Variants in SUPT20H observed in about 807,000 individuals in gnomAD.
SUPT20H encodes SPT20 homolog, SAGA complex component.
In SUPT20H, 82 loss-of-function variants were observed where a neutral mutation model predicts 122.8. That is an observed-to-expected ratio of 0.67 (90% CI 0.56 to 0.80). SUPT20H has a LOEUF of 0.80. SUPT20H is among the 30% of genes least tolerant of loss of function. The pLI is 0.00. For synonymous variants in SUPT20H, 291 were observed against 313.0 expected (o/e 0.93, Z 0.74); for missense variants, 831 against 921.6 (o/e 0.90, Z 1.27).
chr13:37,036,176 G>A (rs1441866085), intron 9 of SUPT20H, among the ~76,000 whole-genome samples: 3 of 152,104 alleles, frequency 2.0e-5, no homozygotes, highest in African/African-American at 4.8e-5. Context: ...AGGTTCAGAT[G>A]ATCATTAGCA....
intron 21 of SUPT20H, 47 bp downstream of exon 21, chr13:37,021,401 C>A: frequency 6.6e-7 from 1 of 1,522,108 alleles, no homozygotes; most frequent in Non-Finnish European, 8.9e-7. Flanking sequence ...TTTACTTTAG[C>A]ATATACTTTA....
At chr13:37,045,223 C>G (rs775778315) in intron 6 of SUPT20H, 24 bp downstream of exon 6, 1 of 1,607,734 alleles carries the variant, frequency 6.2e-7, no homozygotes, top group Admixed American at 1.7e-5. Flanking sequence ...TATTTTGTGG[C>G]AGCTGTGCTC....
chr13:37,025,988 AG>A, intron 16 of SUPT20H: 1 of 390,784 alleles, frequency 2.6e-6, no homozygotes, highest in Non-Finnish European at 4.6e-6. Flanking sequence ...ATATTTTTCT[AG>A]AATCAGTAAG....
Position 37,022,128 on chromosome 13 carries a change from G to A in SUPT20H, c.1592-48C>T. 6.2e-7 allele frequency: 1 copy of A among 1,614,124 alleles called. No homozygotes were observed. The highest frequency in any genetic ancestry group is 8.5e-7 in the Non-Finnish European group (1 of 1,180,000). On this transcript the variant is annotated intron_variant, in intron 19 of 25. Coordinates refer to ENST00000350612, the MANE Select transcript of SUPT20H (RefSeq NM_001014286.3). The surrounding 1 kb of genome is among the most constrained non-coding windows in gnomAD (Gnocchi z 4.5). ...GGTGGAAAGAGGAATGGTTGTTACA[G>A]GCATTGCCTGGCTCAGAGACCTTTG... is the stretch of plus-strand genomic sequence containing the variant.
chr13:37,044,131 A>G lies in SUPT20H; in HGVS notation c.343T>C (p.Leu115=). ...PYEEGELLEY[L]DAEELPPILV... is the part of the protein sequence containing the mutation. ...ATAGGAGGTAATTCTTCTGCATCCA[A>G]ATATTCAAGCAACTCTCCTTCTTCA... Residue 115 remains leucine, a synonymous_variant, in exon 7 of 26, where the codon TTG becomes CTG. Coordinates refer to ENST00000350612, the MANE Select transcript of SUPT20H (RefSeq NM_001014286.3). The G allele has an allele frequency of 6.2e-7, 1 of 1,613,214 alleles. No individual in the cohort carries two copies. The highest frequency in any genetic ancestry group is 8.5e-7 in the Non-Finnish European group (1 of 1,179,610).
chr13:37,056,297 T>C (rs1019344302), intron 1 of SUPT20H, among the ~76,000 whole-genome samples: 1 of 152,194 alleles, frequency 6.6e-6, no homozygotes, highest in African/African-American at 2.4e-5. Context: ...AACATGTTGC[T>C]ATAAAGACAC....
chr13:37,047,630 A>G (rs751549297), intron 4 of SUPT20H, 29 bp from the exon 5 acceptor site: 3 of 1,354,016 alleles, frequency 2.2e-6, no homozygotes, highest in Non-Finnish European at 9.9e-7. Context: ...ACAAATATAT[A>G]AAATGTTAAC....
At chr13:37,040,736 G>C in intron 7 of SUPT20H, 44 bp from the exon 8 acceptor site, 1 of 1,475,830 alleles carries the variant, frequency 6.8e-7, no homozygotes, top group South Asian at 1.2e-5. Flanking sequence ...TTTTCCAAAA[G>C]CCTAAATAAG....
Position 37,059,631 on chromosome 13 carries a change from C to T in SUPT20H, c.-166G>A, listed in dbSNP as rs2070213307. 1 of 152,278 alleles carries T rather than the reference C, an allele frequency of 6.6e-6. No individual in the cohort carries two copies. Among genetic ancestry groups the T allele is most frequent in the African/African-American group, 2.4e-5 (1 of 41,478 alleles). The allele number at this position is 152,278 out of a possible 1,614,324, so 9.4% of individuals were successfully genotyped here. A position where few individuals can be genotyped will look rare whatever the true frequency, so the allele number is the denominator to read the frequency against. ...CGGCAGCAAAGCCCACCCGCCCCGT[C>T]GGCGGCTCAGTGCTGCACCCCCACC... On this transcript the variant is annotated 5_prime_UTR_variant, in exon 1 of 26. Coordinates refer to ENST00000350612, the MANE Select transcript of SUPT20H (RefSeq NM_001014286.3).
chr13:37,029,754 T>C lies in SUPT20H; in HGVS notation c.993+11A>G. On this transcript the variant is annotated intron_variant, in intron 13 of 25. Transcript: ENST00000350612. ...CATAATTAGAAACAGAGACAGGCAATGATTTCTTACATGGGCTGGCCAGAC... is the reference window on the plus strand; with the variant it reads ...CATAATTAGAAACAGAGACAGGCAACGATTTCTTACATGGGCTGGCCAGAC... The C allele has an allele frequency of 1.3e-6, 2 of 1,593,636 alleles. No homozygotes were observed. The highest frequency in any genetic ancestry group is 1.7e-6 in the Non-Finnish European group (2 of 1,171,592).
rs192677445 is a variant in SUPT20H, at chr13:37,016,253, C to T, written c.1992+992G>A. Among the ~76,000 whole-genome samples, 402 of 151,820 alleles carry T rather than the reference C, an allele frequency of 2.6e-3. 1 individual carries two copies. The highest frequency in any genetic ancestry group is 4.6e-3 in the Non-Finnish European group (312 of 67,946). On this transcript the variant is annotated intron_variant, in intron 23 of 25. Transcript: ENST00000350612. The stretch of plus-strand genomic sequence containing the variant: ...AGACTATCCTAACATGGTGAAACTC[C>T]GTCTCTACTAAAAATACAAAAAAAA...
At chr13:37,053,778 T>A (rs2068285848) in intron 1 of SUPT20H, among the ~76,000 whole-genome samples, 1 of 151,948 alleles carries the variant, frequency 6.6e-6, no homozygotes, top group Non-Finnish European at 1.5e-5. Context: ...TGGGTACATA[T>A]GTTTCTAATA....
chr13:37,028,457 T>C, intron 13 of SUPT20H, 152 bp from the exon 14 acceptor site: 1 of 748,894 alleles, frequency 1.3e-6, no homozygotes, highest in Non-Finnish European at 2.1e-6. Context: ...AGTCTGCCTA[T>C]GAGAATAAAG....
At chr13:37,036,992 C>T (rs903040599) in intron 9 of SUPT20H, among the ~76,000 whole-genome samples, 2 of 151,788 alleles carry the variant, frequency 1.3e-5, no homozygotes. Context: ...CTCAGGAGTT[C>T]GAGATCAGCC....
chr13:37,023,324 T>TA lies in SUPT20H; in HGVS notation c.1591+710dup, dbSNP rs1016834394. 1.2e-4 allele frequency among the ~76,000 whole-genome samples: 18 copies of TA among 152,196 alleles called. 1 individual carries two copies. The highest frequency in any genetic ancestry group is 4.1e-4 in the African/African-American group (17 of 41,452). On this transcript the variant is annotated intron_variant, in intron 19 of 25. Transcript: ENST00000350612. ...ACTTTCAGCATATATTAGCTATCTA[T>TA]AAAAAATCTAAAAAACTGGAATGAC...
intron 19 of SUPT20H, among the ~76,000 whole-genome samples, chr13:37,023,274 C>A (rs1004121202): frequency 1.3e-5 from 2 of 152,108 alleles, no homozygotes; most frequent in Non-Finnish European, 2.9e-5. Context: ...GCGAAGACCA[C>A]CCTATCACTG....
At chr13:37,051,698 CA>C in intron 1 of SUPT20H, 115 bp from the exon 2 acceptor site, 1 of 441,698 alleles carries the variant, frequency 2.3e-6, no homozygotes, top group Non-Finnish European at 4.1e-6. Context: ...TTAAGACATA[CA>C]TATTTTTAAG....
Position 37,025,389 on chromosome 13 carries a change from C to T in SUPT20H, c.1260G>A (p.Pro420=), listed in dbSNP as rs150910148. 127 of 1,613,876 alleles carry T rather than the reference C, an allele frequency of 7.9e-5. No individual in the cohort carries two copies. The African/African-American group carries it at 8.9e-4, about 11-fold the overall frequency. The change falls in exon 17 of 26, where the codon CCG becomes CCA. Residue 420 remains proline, a synonymous_variant. Coordinates refer to ENST00000350612, the MANE Select transcript of SUPT20H (RefSeq NM_001014286.3). ...CACTGGAGCTGTGTGACATCTTGAC[C>T]GGACATTTGGCTTCATTCTGGACTA... ...QELVQNEAKC[P]VKMSHSSSGS...
intron 23 of SUPT20H, among the ~76,000 whole-genome samples, chr13:37,016,900 C>T (rs2060607193): frequency 6.6e-6 from 1 of 152,002 alleles, no homozygotes; most frequent in African/African-American, 2.4e-5. Context: ...CCAATAGCAA[C>T]AAAATCCTAA....
Sources: allele counts gnomAD v4.1 joint callset (sites outside exome capture counted in the v4.1 genomes callset), GRCh38; gene constraint gnomAD v4.1.1; non-coding constraint Gnocchi (gnomAD v3.1); transcripts MANE v1.5; gene names NCBI Gene and HGNC (gene_info 2026-07-23, HGNC 2026-07-21).